NEBL: variants seen among roughly 807,000 people sequenced by gnomAD.
The protein encoded by NEBL is LIM and SH3 protein 2.
Under a neutral mutation model 140.2 loss-of-function variants are expected in NEBL, and 122 were observed. That is an observed-to-expected ratio of 0.87 (90% CI 0.75 to 1.01). NEBL has a LOEUF of 1.01. Ranked by LOEUF, NEBL falls within the 50% of genes least tolerant of loss-of-function variation. NEBL has a pLI of 0.00. For missense variants in NEBL, 1,365 were observed against 1,231.3 expected, an observed-to-expected ratio of 1.11 and a Z score of -1.62; for synonymous variants, 436 against 398.9, an observed-to-expected ratio of 1.09 and a Z score of -1.11.
In NEBL at chr10:20,785,801, C is replaced by T. The variant is rs1564322195; in HGVS notation, c.2991G>A (p.Gln997=). The part of the protein sequence containing the change: ...IDDGWMYGTV[Q]RTGRTGMLPA... ...GGAGCATTCCTGTTCTCCCTGTTCT[C>T]TGCACTGTGCCGTACATCCAGCCAT... The change falls in exon 28 of 28, where the codon CAG becomes CAA. Residue 997 remains glutamine (Q), a synonymous_variant. Transcript: ENST00000377122. The T allele has an allele frequency of 6.2e-7, 1 of 1,614,042 alleles. No individual in the cohort carries two copies. Among genetic ancestry groups the T allele is most frequent in the East Asian group, 2.2e-5 (1 of 44,868 alleles).
intron 4 of NEBL, among the ~76,000 whole-genome samples, chr10:20,960,582 G>A (rs1277799383): frequency 2.0e-5 from 3 of 151,914 alleles, no homozygotes; most frequent in African/African-American, 7.3e-5. Context: ...TTGAACTTTA[G>A]ACATATAAAA....
chr10:20,897,642 T>C (rs181112819), upstream of NEBL: 19 of 694,838 alleles, frequency 2.7e-5, no homozygotes, highest in Admixed American at 1.1e-3. Flanking sequence ...AGATTCCTTG[T>C]CTCTGTCTAA....
chr10:21,115,063 T>C (rs886065636), intron 2 of NEBL, among the ~76,000 whole-genome samples: 2 of 151,996 alleles, frequency 1.3e-5, no homozygotes, highest in African/African-American at 4.8e-5. Context: ...TATATCTCTT[T>C]ATATTGTTTC....
Position 21,185,492 on chromosome 10 carries a change from T to A in NEBL, n.349-13015A>T, listed in dbSNP as rs1288135178. ...TTTCGGTTCCATTTTCTTTCCTTTT[T>A]TTTTTTTTTTTTTTTTTTTTTTTGA... is the stretch of plus-strand genomic sequence containing the variant. On this transcript the variant is annotated intron_variant and non_coding_transcript_variant, in intron 3 of 8. Coordinates refer to the NEBL transcript ENST00000675702. Among the ~76,000 whole-genome samples, 4 of 127,976 alleles carry A rather than the reference T, an allele frequency of 3.1e-5. 1 individual carries two copies. The highest frequency in any genetic ancestry group is 1.2e-4 in the African/African-American group (4 of 32,686). 84.0% of individuals were successfully genotyped at this position (127,976 alleles called of 152,430 possible).
At chr10:21,129,217 G>A (rs1317881564) in intron 2 of NEBL, among the ~76,000 whole-genome samples, 2 of 151,936 alleles carry the variant, frequency 1.3e-5, no homozygotes, top group Non-Finnish European at 2.9e-5. Flanking sequence ...AAGAAAGAAA[G>A]TACATTTTTT....
chr10:20,989,346 A>G (rs1412196619), intron 3 of NEBL, among the ~76,000 whole-genome samples: 2 of 152,148 alleles, frequency 1.3e-5, no homozygotes, highest in Non-Finnish European at 2.9e-5. Flanking sequence ...CATTCAAAAC[A>G]TGTCTTAGCC....
chr10:20,861,480 C>T (rs1843698110), intron 7 of NEBL, among the ~76,000 whole-genome samples: 1 of 152,136 alleles, frequency 6.6e-6, no homozygotes, highest in African/African-American at 2.4e-5. Flanking sequence ...CGCCCAGCCA[C>T]AGTCTTATTG....
At chr10:20,869,596 T>C in intron 6 of NEBL, 144 bp downstream of exon 6, 1 of 683,582 alleles carries the variant, frequency 1.5e-6, no homozygotes, top group Non-Finnish European at 2.6e-6. Context: ...ATAAAATAGA[T>C]AATTTAGGGG....
intron 3 of NEBL, among the ~76,000 whole-genome samples, chr10:21,000,889 G>A (rs1589124813): frequency 6.6e-6 from 1 of 152,110 alleles, no homozygotes; most frequent in African/African-American, 2.4e-5. Flanking sequence ...GGCCAGGAAG[G>A]GCCACATTGG....
At chr10:20,952,643 G>T (rs564005538) in intron 4 of NEBL, among the ~76,000 whole-genome samples, 2 of 151,852 alleles carry the variant, frequency 1.3e-5, no homozygotes, top group Admixed American at 6.6e-5. Flanking sequence ...AGTGGCTCAC[G>T]CCTGTAATCC....
intron 1 of NEBL, among the ~76,000 whole-genome samples, chr10:21,291,411 CAGG>C (rs1843140136): frequency 6.6e-6 from 1 of 151,080 alleles, no homozygotes; most frequent in South Asian, 2.1e-4. Flanking sequence ...GAGGCTGAGG[CAGG>C]AGAATTGCTT....
At chr10:21,128,074 C>T (rs531893736) in intron 2 of NEBL, among the ~76,000 whole-genome samples, 72 of 152,236 alleles carry the variant, frequency 4.7e-4, no homozygotes, top group Middle Eastern at 6.8e-3. Context: ...GTTAATGACT[C>T]GGTTGGGACT....
chr10:21,048,596 A>G (rs1589173095), intron 2 of NEBL, among the ~76,000 whole-genome samples: 1 of 152,204 alleles, frequency 6.6e-6, no homozygotes, highest in East Asian at 1.9e-4. Context: ...AGAGGGAGAG[A>G]GAGAGAAATT....
At chr10:21,041,396 C>G (rs1428945567) in intron 2 of NEBL, among the ~76,000 whole-genome samples, 1 of 152,198 alleles carries the variant, frequency 6.6e-6, no homozygotes, top group Non-Finnish European at 1.5e-5. Context: ...TGCCACAGCA[C>G]TGTCAAGATG....
intron 3 of NEBL, chr10:21,020,085 C>G: frequency 1.3e-6 from 2 of 1,571,938 alleles, no homozygotes; most frequent in African/African-American, 1.4e-5. Context: ...TCTTTAGGGC[C>G]AAGGGAACAA....
chr10:21,021,367 C>T (rs144811221), intron 2 of NEBL, among the ~76,000 whole-genome samples: 3 of 152,276 alleles, frequency 2.0e-5, no homozygotes, highest in African/African-American at 4.8e-5. Flanking sequence ...AACCTTTCAA[C>T]GGCTTCCAGT....
At chr10:20,898,826 C>T (rs1847707757), upstream of NEBL, among the ~76,000 whole-genome samples, 1 of 152,122 alleles carries the variant, frequency 6.6e-6, no homozygotes, top group Non-Finnish European at 1.5e-5. Flanking sequence ...ATCATACCCA[C>T]TACCCCAGAA....
chr10:21,177,361 G>A (rs1564537663), upstream of NEBL, among the ~76,000 whole-genome samples: 1 of 152,098 alleles, frequency 6.6e-6, no homozygotes, highest in Non-Finnish European at 1.5e-5. Flanking sequence ...TCACATGACG[G>A]GAGTAAGAAA....
intron 4 of NEBL, among the ~76,000 whole-genome samples, chr10:20,907,166 C>T (rs144469430): frequency 6.5e-4 from 99 of 152,180 alleles, no homozygotes; most frequent in African/African-American, 2.2e-3. Context: ...TTTAAAATTA[C>T]ATTTAAGATA....
Sources: allele counts gnomAD v4.1 joint callset (sites outside exome capture counted in the v4.1 genomes callset), GRCh38; gene constraint gnomAD v4.1.1; transcripts MANE v1.5; gene names NCBI Gene and HGNC (gene_info 2026-07-23, HGNC 2026-07-21).